GLB1: variants seen among roughly 807,000 people sequenced by gnomAD.
GLB1 encodes the protein galactosidase beta 1.
GLB1 carries 56 observed loss-of-function variants against 74.0 expected under a neutral mutation model. That is an observed-to-expected ratio of 0.76 (90% CI 0.61 to 0.94). The LOEUF is 0.94. Among genes scored for constraint, GLB1 ranks in the 40% least tolerant of loss-of-function variants. The pLI, the probability that GLB1 is intolerant of heterozygous loss-of-function variation, is 0.00. For missense variants in GLB1, 787 were observed against 845.5 expected (o/e 0.93, Z 0.86); for synonymous variants, 323 against 323.6 (o/e 1.00, Z 0.02).
At chr3:32,982,174 A>G in the GLB1 span, among the ~76,000 whole-genome samples, 1 of 151,954 alleles carries the variant, frequency 6.6e-6, no homozygotes, top group Non-Finnish European at 1.5e-5. Context: ...TTAGCCAGGC[A>G]TGGTGGCGCA....
downstream of GLB1, among the ~76,000 whole-genome samples, chr3:32,993,200 C>T (rs1165666199): frequency 1.3e-5 from 2 of 152,084 alleles, no homozygotes; most frequent in African/African-American, 4.8e-5. Flanking sequence ...AAAACCCCAC[C>T]TCGGATTAGC....
At chr3:33,031,013 A>G (rs757089747) in intron 10 of GLB1, among the ~76,000 whole-genome samples, 1 of 152,154 alleles carries the variant, frequency 6.6e-6, no homozygotes, top group African/African-American at 2.4e-5. Context: ...TACCTTTTAA[A>G]ATGCAAATGT....
intron 15 of GLB1, among the ~76,000 whole-genome samples, chr3:32,999,346 G>A (rs1696451829): frequency 6.6e-6 from 1 of 152,122 alleles, no homozygotes; most frequent in South Asian, 2.1e-4. Flanking sequence ...TGCGGTCAAG[G>A]GGGAAGACAG....
chr3:33,068,333 A>C (rs1372761017), intron 3 of GLB1, 43 bp from the exon 4 acceptor site: 2 of 1,613,126 alleles, frequency 1.2e-6, no homozygotes, highest in Non-Finnish European at 1.7e-6. Context: ...TGTTCCGTGA[A>C]GGGTGCTCAG....
In GLB1 at chr3:33,093,863, G is replaced by A. The variant is rs1700884789; in HGVS notation, c.75+3148C>T. 1 of 1,613,620 alleles carries A rather than the reference G, an allele frequency of 6.2e-7. No homozygotes were observed. The highest frequency in any genetic ancestry group is 1.1e-5 in the South Asian group (1 of 91,010). Reference sequence around the variant, plus strand: ...AGTAGGCCGCCAAGGAAAAGAGATAGGGCTCTTCGGCCACTAAAAAGAACA... The same window carrying A: ...AGTAGGCCGCCAAGGAAAAGAGATAAGGCTCTTCGGCCACTAAAAAGAACA... On this transcript the variant is annotated intron_variant, in intron 1 of 15. Transcript: ENST00000307363. This position sits in a 1 kb window ranked among gnomAD's most constrained non-coding sequence, Gnocchi z 6.0.
At chr3:33,074,396 G>GAA (rs1174265065) in intron 1 of GLB1, among the ~76,000 whole-genome samples, 1 of 140,480 alleles carries the variant, frequency 7.1e-6, no homozygotes, top group Non-Finnish European at 1.6e-5. Context: ...AAGGAAGAAA[G>GAA]AAAGAAAGAA....
intron 10 of GLB1, chr3:33,030,629 T>C: frequency 2.0e-6 from 2 of 985,420 alleles, no homozygotes; most frequent in Non-Finnish European, 2.4e-6. Flanking sequence ...TTCATTAAGC[T>C]TTTGAAGTAC....
the GLB1 span, among the ~76,000 whole-genome samples, chr3:32,978,886 A>T: frequency 2.8e-5 from 4 of 144,592 alleles, no homozygotes; most frequent in African/African-American, 1.0e-4. Flanking sequence ...CAGCTTCCTG[A>T]GTAGCTGGGA....
intron 3 of GLB1, 41 bp from the exon 4 acceptor site, chr3:33,068,331 G>A: frequency 6.2e-7 from 1 of 1,613,210 alleles, no homozygotes; most frequent in Non-Finnish European, 8.5e-7. Context: ...TCTGTTCCGT[G>A]AAGGGTGCTC....
chr3:33,050,514 G>C (rs1262857685), intron 9 of GLB1, among the ~76,000 whole-genome samples: 2 of 152,172 alleles, frequency 1.3e-5, no homozygotes, highest in Non-Finnish European at 2.9e-5. Context: ...TGAACACATT[G>C]GGCTAAATGA....
intron 11 of GLB1, among the ~76,000 whole-genome samples, chr3:33,022,409 T>G (rs1245117406): frequency 6.6e-6 from 1 of 151,956 alleles, no homozygotes. Context: ...ATGCACTAGC[T>G]CATTGAATAC....
chr3:33,041,070 T>C (rs1477768198), intron 10 of GLB1, among the ~76,000 whole-genome samples: 1 of 152,126 alleles, frequency 6.6e-6, no homozygotes, highest in Non-Finnish European at 1.5e-5. Context: ...TAACAAATTA[T>C]CTAATAGAAA....
chr3:33,009,070 G>C (rs1240613331), intron 15 of GLB1, among the ~76,000 whole-genome samples: 1 of 151,750 alleles, frequency 6.6e-6, no homozygotes, highest in Non-Finnish European at 1.5e-5. Context: ...AGTGAGCCAA[G>C]ATTGTGCCAC....
chr3:32,989,091 T>C, the GLB1 span, among the ~76,000 whole-genome samples: 1 of 152,204 alleles, frequency 6.6e-6, no homozygotes, highest in African/African-American at 2.4e-5. Context: ...TATTTGTCCT[T>C]TGGACTTTGC....
At chr3:33,095,247 T>C (rs556933938) in intron 1 of GLB1, among the ~76,000 whole-genome samples, 21 of 150,990 alleles carry the variant, frequency 1.4e-4, no homozygotes, top group Admixed American at 4.6e-4. Flanking sequence ...GAATATTCTC[T>C]TAATTTCTAG....
chr3:33,053,472 C>T lies in GLB1; in HGVS notation c.792+19G>A, dbSNP rs745561290. ...CTCTCTTAACAGCTGCAAACACACA[C>T]CTCACCCTCGATTCTTACCAAGGGT... On this transcript the variant is annotated intron_variant, in intron 7 of 15. Coordinates refer to ENST00000307363, the MANE Select transcript of GLB1 (RefSeq NM_000404.4). 4.2e-5 allele frequency: 67 copies of T among 1,614,054 alleles called. 1 individual carries two copies. The Middle Eastern group carries it at 6.6e-4, about 16-fold the overall frequency.
At chr3:32,964,925 C>A in the GLB1 span, among the ~76,000 whole-genome samples, 4 of 152,094 alleles carry the variant, frequency 2.6e-5, no homozygotes, top group Admixed American at 6.5e-5. Flanking sequence ...CTCATGAGAT[C>A]TGATGGTTTT....
At position 33,072,731 on chromosome 3, in the gene GLB1, G is replaced by C. The variant is rs948376480; in HGVS notation, c.76-18C>G. The C allele has an allele frequency of 1.9e-6, 3 of 1,613,876 alleles. No homozygotes were observed. The highest frequency in any genetic ancestry group is 1.1e-5 in the South Asian group (1 of 91,058). On this transcript the variant is annotated intron_variant, in intron 1 of 15. Coordinates refer to ENST00000307363, the MANE Select transcript of GLB1 (RefSeq NM_000404.4). ...GTGGCATTCTACAGAGCAAGGATGG[G>C]GTCACATGAGAACTTCCACCTTCTG...
At chr3:33,080,134 A>C in intron 1 of GLB1, among the ~76,000 whole-genome samples, 1 of 148,868 alleles carries the variant, frequency 6.7e-6, no homozygotes. Flanking sequence ...ATGGAGTTTC[A>C]CTCTTGTGGC....
Sources: gnomAD v4.1 joint callset for allele counts (sites outside exome capture counted in the v4.1 genomes callset) on GRCh38, gnomAD v4.1.1 for gene constraint, Gnocchi (gnomAD v3.1) non-coding constraint, MANE v1.5 for transcripts, NCBI Gene and HGNC (gene_info 2026-07-23, HGNC 2026-07-21) for gene names.